The following CNBD1 variants were observed in gnomAD, a reference collection of about 807,000 sequenced individuals.
CNBD1 encodes the protein cyclic nucleotide binding domain containing 1, also known as cyclic nucleotide-binding domain-containing protein 1.
In CNBD1, 71 loss-of-function variants were observed where a neutral mutation model predicts 54.4. That is an observed-to-expected ratio of 1.30 (90% confidence interval 1.08 to 1.59). CNBD1 has a LOEUF of 1.59. CNBD1 is among the 40% of genes most tolerant of loss of function. The pLI, the probability that CNBD1 is intolerant of heterozygous loss-of-function variation, is 0.00. For missense variants in CNBD1, 659 were observed against 518.0 expected (o/e 1.27, Z -2.64); for synonymous variants, 182 against 170.7 (o/e 1.07, Z -0.51).
At chr8:86,875,916 G>GTTGTATGATC (rs1808513632) in intron 1 of CNBD1, among the ~76,000 whole-genome samples, 1 of 152,002 alleles carries the variant, frequency 6.6e-6, no homozygotes, top group African/African-American at 2.4e-5. Flanking sequence ...ATCTTACTTT[G>GTTGTATGATC]TTGTATGATC....
At chr8:87,040,674 T>C (rs1810049325) in intron 4 of CNBD1, among the ~76,000 whole-genome samples, 1 of 151,952 alleles carries the variant, frequency 6.6e-6, no homozygotes, top group African/African-American at 2.4e-5. Context: ...TCCACCCTCC[T>C]TGGCCTCCCA....
rs565751408 is a variant in CNBD1 at position 87,172,021 on chromosome 8, G to A, written c.432-33972G>A. On this transcript the variant is annotated intron_variant, in intron 4 of 10. Transcript: ENST00000518476. ...CTGTATCCCAAAGGTTTTGTGTGTT[G>A]TGTTTCCATTATCATTTGTTTCATG... Among the ~76,000 whole-genome samples, 10 of 152,096 alleles carry A rather than the reference G, an allele frequency of 6.6e-5. 1 individual carries two copies. In the South Asian group the frequency reaches 1.0e-3, roughly 16 times the overall value.
chr8:87,366,857 G>A (rs1810652675), intron 10 of CNBD1, among the ~76,000 whole-genome samples: 1 of 152,046 alleles, frequency 6.6e-6, no homozygotes, highest in South Asian at 2.1e-4. Context: ...GTTCTTAATT[G>A]TTACTGTTAT....
At chr8:87,362,941 G>A (rs938794272) in intron 10 of CNBD1, among the ~76,000 whole-genome samples, 2 of 151,828 alleles carry the variant, frequency 1.3e-5, no homozygotes, top group Non-Finnish European at 2.9e-5. Context: ...TGCCGTGGTG[G>A]TTTGCTGTAC....
At chr8:86,897,442 A>G (rs1808863575) in intron 2 of CNBD1, among the ~76,000 whole-genome samples, 1 of 152,154 alleles carries the variant, frequency 6.6e-6, no homozygotes, top group Admixed American at 6.6e-5. Context: ...ATGGAGTATG[A>G]AAAGAGGCTC....
At chr8:86,964,879 C>G (rs144907785) in intron 4 of CNBD1, among the ~76,000 whole-genome samples, 4 of 152,274 alleles carry the variant, frequency 2.6e-5, no homozygotes, top group Admixed American at 6.5e-5. Context: ...CTGGGTTACA[C>G]TACAAGGCAA....
chr8:87,201,187 C>G (rs1813852198), intron 4 of CNBD1, among the ~76,000 whole-genome samples: 1 of 151,892 alleles, frequency 6.6e-6, no homozygotes, highest in South Asian at 2.1e-4. Flanking sequence ...AAATCCAACA[C>G]CCATTCATGA....
At chr8:86,971,958 A>C (rs1808229376) in intron 4 of CNBD1, among the ~76,000 whole-genome samples, 1 of 151,566 alleles carries the variant, frequency 6.6e-6, no homozygotes, top group African/African-American at 2.4e-5. Flanking sequence ...ATTAAATAGA[A>C]CTTTTTTTTT....
intron 5 of CNBD1, among the ~76,000 whole-genome samples, chr8:87,212,558 A>G (rs763655750): frequency 1.1e-4 from 16 of 152,178 alleles, no homozygotes; most frequent in Non-Finnish European, 2.2e-4. Flanking sequence ...TTTTAACTTG[A>G]TGGTCTATTG....
intron 10 of CNBD1, among the ~76,000 whole-genome samples, chr8:87,365,322 C>G (rs762705218): frequency 1.3e-5 from 2 of 151,696 alleles, no homozygotes; most frequent in Non-Finnish European, 2.9e-5. Flanking sequence ...CTGTTCATGT[C>G]TTTTGCTCAG....
At chr8:87,122,753 G>T (rs561247148) in intron 4 of CNBD1, among the ~76,000 whole-genome samples, 1 of 151,894 alleles carries the variant, frequency 6.6e-6, no homozygotes, top group Admixed American at 6.6e-5. Flanking sequence ...TGAGATAAAG[G>T]TCCAATTTCA....
chr8:87,217,513 GA>G (rs1403792577), intron 5 of CNBD1, among the ~76,000 whole-genome samples: 1 of 149,446 alleles, frequency 6.7e-6, no homozygotes, highest in Non-Finnish European at 1.5e-5. Context: ...AACAAACATG[GA>G]AAAAATAAGA....
intron 6 of CNBD1, among the ~76,000 whole-genome samples, chr8:87,246,057 C>T (rs1045998950): frequency 1.3e-5 from 2 of 152,044 alleles, no homozygotes; most frequent in African/African-American, 4.8e-5. Flanking sequence ...TCCAGAACTA[C>T]TGCCTTAAGC....
At chr8:86,946,860 G>A (rs1807482273) in intron 4 of CNBD1, among the ~76,000 whole-genome samples, 2 of 152,080 alleles carry the variant, frequency 1.3e-5, no homozygotes, top group Admixed American at 6.6e-5. Context: ...TTCTTATAGA[G>A]TATTAAAGTC....
At chr8:87,351,560 AATCT>A in intron 8 of CNBD1, 121 bp from the exon 9 acceptor site, 1 of 870,870 alleles carries the variant, frequency 1.1e-6, no homozygotes, top group Non-Finnish European at 1.6e-6. Flanking sequence ...TATAAACTGG[AATCT>A]ATTAAGAAAC....
intron 4 of CNBD1, among the ~76,000 whole-genome samples, chr8:86,958,671 C>A (rs1230477151): frequency 6.6e-6 from 1 of 151,570 alleles, no homozygotes; most frequent in Non-Finnish European, 1.5e-5. Flanking sequence ...TTTTGTTTTC[C>A]ATTTCCTTGG....
chr8:87,156,645 C>T (rs60443727), intron 4 of CNBD1, among the ~76,000 whole-genome samples: 1,912 of 151,962 alleles, frequency 0.013, 50 homozygotes, highest in African/African-American at 0.044. Context: ...TTACAGGGGA[C>T]GTATATTCAG....
At chr8:87,090,670 A>G (rs986143708) in intron 4 of CNBD1, among the ~76,000 whole-genome samples, 4 of 152,204 alleles carry the variant, frequency 2.6e-5, no homozygotes, top group Admixed American at 6.5e-5. Context: ...TGATTAATTT[A>G]TTTAATTTTT....
chr8:87,421,306 G>A (rs1049422230), intron 2 of CNBD1, among the ~76,000 whole-genome samples: 1 of 149,432 alleles, frequency 6.7e-6, no homozygotes, highest in African/African-American at 2.5e-5. Flanking sequence ...TAAGTTTTAG[G>A]GTACATGTGC....
Sources: allele counts gnomAD v4.1 joint callset (sites outside exome capture counted in the v4.1 genomes callset), GRCh38; gene constraint gnomAD v4.1.1; transcripts MANE v1.5; gene names NCBI Gene and HGNC (gene_info 2026-07-23, HGNC 2026-07-21).